Variants in MYOM1 observed in about 807,000 individuals in gnomAD.
The protein encoded by MYOM1 is myomesin 1.
A neutral mutation model predicts 205.3 loss-of-function variants in MYOM1; 164 were observed. The ratio of observed to expected loss-of-function variants is 0.80; its 90% CI spans 0.70 to 0.91. MYOM1 has a LOEUF of 0.91. Ranked by LOEUF, MYOM1 falls within the 40% of genes least tolerant of loss-of-function variation. The pLI is 0.00. For missense variants in MYOM1, 2,011 were observed against 2,127.3 expected, an observed-to-expected ratio of 0.95 and a Z score of 1.08; for synonymous variants, 772 against 789.4, an observed-to-expected ratio of 0.98 and a Z score of 0.37.
chr18:3,147,434 C>A (rs1013686740), intron 13 of MYOM1, among the ~76,000 whole-genome samples: 1 of 151,894 alleles, frequency 6.6e-6, no homozygotes, highest in Non-Finnish European at 1.5e-5. Flanking sequence ...CAATGCTGTT[C>A]GGCTGAAATC....
chr18:3,210,362 G>C (rs2081177203), intron 2 of MYOM1, among the ~76,000 whole-genome samples: 1 of 152,184 alleles, frequency 6.6e-6, no homozygotes, highest in Non-Finnish European at 1.5e-5. Context: ...GTTATAATCT[G>C]GGTGACACGT....
intron 25 of MYOM1, among the ~76,000 whole-genome samples, chr18:3,097,686 C>T (rs757392280): frequency 6.6e-6 from 1 of 152,118 alleles, no homozygotes; most frequent in Non-Finnish European, 1.5e-5. Context: ...GGATTACAGG[C>T]ATGAGCCACC....
At chr18:3,170,323 C>T (rs2080538640) in intron 8 of MYOM1, among the ~76,000 whole-genome samples, 1 of 152,104 alleles carries the variant, frequency 6.6e-6, no homozygotes, top group African/African-American at 2.4e-5. Context: ...ATGATGGATG[C>T]TCCAATTACC....
rs368423483 is a variant in MYOM1, at chr18:3,067,520, C to T, written c.4800G>A (p.Pro1600=). 1.0e-4 allele frequency: 165 copies of T among 1,613,616 alleles called. No individual in the cohort carries two copies. Among genetic ancestry groups the T allele is most frequent in the Non-Finnish European group, 1.3e-4 (148 of 1,179,848 alleles). Residue 1600 remains proline, a synonymous_variant, in exon 38 of 38, where the codon CCG becomes CCA. Coordinates refer to ENST00000356443, the MANE Select transcript of MYOM1 (RefSeq NM_003803.4). Reference sequence around the variant, plus strand: ...TCTTCAACCACGACACCTCCGGAGGCGGGTCTCCCCACACGTTGCAAGTGA... The same window carrying T: ...TCTTCAACCACGACACCTCCGGAGGTGGGTCTCCCCACACGTTGCAAGTGA... ...LNLTCNVWGD[P]PPEVSWLKNE...
Position 3,164,517 on chromosome 18 carries a change from C to T in MYOM1, c.1340-78G>A, listed in dbSNP as rs2144049912. On this transcript the variant is annotated intron_variant, in intron 9 of 37. Transcript: ENST00000356443. ...CTTCTTGTCTCCCCTCCATTCCTCT[C>T]CTTAGCCTTTTCTATAATGAAAGTA... 4 of 1,320,954 alleles carry T rather than the reference C, an allele frequency of 3.0e-6. No homozygotes were observed. The South Asian group carries it at 4.2e-5, about 14-fold the overall frequency. 81.8% of individuals were successfully genotyped at this position (1,320,954 alleles called of 1,614,324 possible).
rs7239937 is a variant in MYOM1, at chr18:3,212,382, G to C, written c.290+2552C>G. Among the ~76,000 whole-genome samples the C allele has an allele frequency of 7.6e-3, 1,149 of 152,110 alleles. 22 individuals carry two copies. Among genetic ancestry groups the C allele is most frequent in the African/African-American group, 0.027 (1,106 of 41,500 alleles). ...TGGCCAAAATGGATAAGTCTTCCGA[G>C]GATTATATAGAGCAAATGTTTTCAC... On this transcript the variant is annotated intron_variant, in intron 2 of 37. Coordinates refer to ENST00000356443, the MANE Select transcript of MYOM1 (RefSeq NM_003803.4).
chr18:3,100,156 T>C lies in MYOM1; in HGVS notation c.3727+3A>G, dbSNP rs2079357447. The C allele has an allele frequency of 1.2e-6, 2 of 1,613,750 alleles. No homozygotes were observed. The highest frequency in any genetic ancestry group is 2.2e-5 in the South Asian group (2 of 91,088). Reference sequence around the variant, plus strand: ...AACCTGTGAATGTATTGTGGATACTTACTTGGGAACTTGTGTTCATGGCTG... The same window carrying C: ...AACCTGTGAATGTATTGTGGATACTCACTTGGGAACTTGTGTTCATGGCTG... On this transcript the variant is annotated splice_donor_region_variant and intron_variant, in intron 25 of 37. Coordinates refer to ENST00000356443, the MANE Select transcript of MYOM1 (RefSeq NM_003803.4).
At position 3,083,982 on chromosome 18, in the gene MYOM1, G is replaced by C. The variant is rs765864525; in HGVS notation, c.4378+7C>G. ...AGCATTGTTGTGGTGCGAAATGTTT[G>C]ACTCACCTATTTTTTTGCATACTTC... On this transcript the variant is annotated splice_region_variant and intron_variant, in intron 32 of 37. Coordinates refer to ENST00000356443, the MANE Select transcript of MYOM1 (RefSeq NM_003803.4). The C allele has an allele frequency of 1.9e-6, 3 of 1,589,062 alleles. No individual in the cohort carries two copies. The highest frequency in any genetic ancestry group is 2.6e-6 in the Non-Finnish European group (3 of 1,166,212).
intron 36 of MYOM1, among the ~76,000 whole-genome samples, chr18:3,072,416 C>A: frequency 7.7e-6 from 1 of 130,684 alleles, no homozygotes; most frequent in Non-Finnish European, 1.5e-5. Context: ...TGCAGTGGCG[C>A]AATCTCAGCT....
intron 22 of MYOM1, among the ~76,000 whole-genome samples, chr18:3,109,470 G>T (rs2079495740): frequency 6.6e-6 from 1 of 152,196 alleles, no homozygotes; most frequent in Admixed American, 6.5e-5. Context: ...AAGTAAAGTG[G>T]TCTTTGTGGT....
At chr18:3,239,872 G>A in the MYOM1 span, among the ~76,000 whole-genome samples, 1 of 151,532 alleles carries the variant, frequency 6.6e-6, no homozygotes, top group Non-Finnish European at 1.5e-5. Flanking sequence ...AACTTAAAGT[G>A]CAACCACTTA....
intron 34 of MYOM1, among the ~76,000 whole-genome samples, chr18:3,078,724 C>T (rs546880303): frequency 7.2e-5 from 11 of 152,264 alleles, no homozygotes; most frequent in African/African-American, 2.4e-4. Context: ...GCCACCATGC[C>T]GGCAGACTAT....
intron 37 of MYOM1, among the ~76,000 whole-genome samples, 179 bp from the exon 38 acceptor site, chr18:3,067,734 T>G (rs1348789835): frequency 6.6e-6 from 1 of 152,236 alleles, no homozygotes; most frequent in Non-Finnish European, 1.5e-5. Context: ...TGAAATAACA[T>G]GTGAGGGGAT....
At position 3,209,543 on chromosome 18, in the gene MYOM1, G is replaced by A. The variant is rs917322241; in HGVS notation, c.290+5391C>T. On this transcript the variant is annotated intron_variant, in intron 2 of 37. Coordinates refer to ENST00000356443, the MANE Select transcript of MYOM1 (RefSeq NM_003803.4). This position sits in a 1 kb window ranked among gnomAD's most constrained non-coding sequence, Gnocchi z 4.0. ...CTTCAATGGCCCACAGGCCCTCCAT[G>A]ATCAGTCCTGCCCAACCCATCACCT... is the stretch of plus-strand genomic sequence containing the variant. Among the ~76,000 whole-genome samples the A allele has an allele frequency of 1.3e-5, 2 of 152,130 alleles. No homozygotes were observed. The highest frequency in any genetic ancestry group is 4.8e-5 in the African/African-American group (2 of 41,412).
chr18:3,201,709 G>A lies in MYOM1; in HGVS notation c.291-7751C>T, dbSNP rs141580251. Among the ~76,000 whole-genome samples the A allele has an allele frequency of 5.5e-3, 826 of 149,032 alleles. 9 individuals are homozygous for A. The highest frequency in any genetic ancestry group is 0.019 in the African/African-American group (781 of 40,378). ...GTCACCCAGGCTGGAGTGCAATGGC[G>A]TGGTCATAACTATAACCTCGATCTC... On this transcript the variant is annotated intron_variant, in intron 2 of 37. Transcript: ENST00000356443.
chr18:3,087,487 TC>T (rs1416082873), intron 29 of MYOM1, among the ~76,000 whole-genome samples: 1 of 144,036 alleles, frequency 6.9e-6, no homozygotes, highest in African/African-American at 2.6e-5. Flanking sequence ...CCTCCTACGT[TC>T]TTTTTTTTTT....
chr18:3,222,178 G>A (rs117138484), upstream of MYOM1, among the ~76,000 whole-genome samples: 130 of 152,310 alleles, frequency 8.5e-4, 1 homozygote, highest in Non-Finnish European at 1.2e-3. Context: ...ATTGACCAGA[G>A]TCCACATATA....
At chr18:3,236,885 G>C in the MYOM1 span, among the ~76,000 whole-genome samples, 2 of 152,182 alleles carry the variant, frequency 1.3e-5, no homozygotes, top group Non-Finnish European at 2.9e-5. Context: ...ATTGGCAAAG[G>C]AGACTGAAGA....
intron 29 of MYOM1, 79 bp downstream of exon 29, chr18:3,089,095 T>C: frequency 1.0e-6 from 1 of 985,410 alleles, no homozygotes; most frequent in Non-Finnish European, 1.5e-6. Context: ...ATGGAAGAGA[T>C]GAAAAATTGA....
Sources: allele counts gnomAD v4.1 joint callset (sites outside exome capture counted in the v4.1 genomes callset), GRCh38; gene constraint gnomAD v4.1.1; non-coding constraint Gnocchi (gnomAD v3.1); transcripts MANE v1.5; gene names NCBI Gene and HGNC (gene_info 2026-07-23, HGNC 2026-07-21).